Variants in ARHGAP10 observed in about 807,000 individuals in gnomAD.
ARHGAP10 encodes rho GTPase-activating protein 10.
Under a neutral mutation model 108.6 loss-of-function variants are expected in ARHGAP10, and 87 were observed. That is an observed-to-expected ratio of 0.80 (90% CI 0.67 to 0.96). The LOEUF (loss-of-function observed/expected upper bound fraction) is 0.96, where lower values mean the gene tolerates loss of function less well. Among genes scored for constraint, ARHGAP10 ranks in the 40% least tolerant of loss-of-function variants. The pLI, the probability that ARHGAP10 is intolerant of heterozygous loss-of-function variation, is 0.00. For synonymous variants in ARHGAP10, 347 were observed against 341.1 expected (o/e 1.02, Z -0.19); for missense variants, 939 against 954.5 (o/e 0.98, Z 0.21).
intron 8 of ARHGAP10, among the ~76,000 whole-genome samples, chr4:147,877,280 A>G (rs1735113358): frequency 1.3e-5 from 2 of 151,448 alleles, no homozygotes; most frequent in African/African-American, 4.9e-5. Context: ...TTTGTCAACC[A>G]TAGAACACAG....
At chr4:147,758,456 A>G (rs1356653010) in intron 1 of ARHGAP10, among the ~76,000 whole-genome samples, 1 of 152,116 alleles carries the variant, frequency 6.6e-6, no homozygotes, top group African/African-American at 2.4e-5. Flanking sequence ...ACCACAGTCA[A>G]TTTTAGAACA....
At chr4:147,770,070 G>A (rs570201953) in intron 1 of ARHGAP10, among the ~76,000 whole-genome samples, 4 of 152,314 alleles carry the variant, frequency 2.6e-5, no homozygotes, top group Non-Finnish European at 5.9e-5. Flanking sequence ...TGGAGTGTGT[G>A]TTCATACACC....
At chr4:147,856,916 G>A (rs1301525661) in intron 4 of ARHGAP10, among the ~76,000 whole-genome samples, 1 of 152,140 alleles carries the variant, frequency 6.6e-6, no homozygotes, top group Non-Finnish European at 1.5e-5. Context: ...GCAGTGGTGT[G>A]ATCTCGATTC....
chr4:147,983,402 G>T (rs2149629129), intron 18 of ARHGAP10, among the ~76,000 whole-genome samples: 1 of 150,812 alleles, frequency 6.6e-6, no homozygotes, highest in Middle Eastern at 3.5e-3. Flanking sequence ...AGCCAGGATG[G>T]TCTCCATCTC....
At chr4:147,770,430 C>T (rs1486940061) in intron 1 of ARHGAP10, among the ~76,000 whole-genome samples, 1 of 152,150 alleles carries the variant, frequency 6.6e-6, no homozygotes, top group Non-Finnish European at 1.5e-5. Context: ...GAGGCTGAGG[C>T]ATGAGAATTG....
At chr4:147,810,653 A>C (rs1203287095) in intron 1 of ARHGAP10, among the ~76,000 whole-genome samples, 1 of 152,134 alleles carries the variant, frequency 6.6e-6, no homozygotes, top group Non-Finnish European at 1.5e-5. Context: ...ATTTGTGGAG[A>C]ACCTAAATGC....
chr4:147,990,066 T>C (rs1740211148), intron 18 of ARHGAP10, among the ~76,000 whole-genome samples: 1 of 152,210 alleles, frequency 6.6e-6, no homozygotes, highest in Non-Finnish European at 1.5e-5. Flanking sequence ...ACTCCTGATA[T>C]TCAGCCTTCT....
At chr4:148,068,258 G>T (rs1729990445) in intron 22 of ARHGAP10, among the ~76,000 whole-genome samples, 1 of 152,192 alleles carries the variant, frequency 6.6e-6, no homozygotes, top group Admixed American at 6.5e-5. Flanking sequence ...GCAGCAGCGG[G>T]ACTGCTTTCC....
intron 1 of ARHGAP10, among the ~76,000 whole-genome samples, chr4:147,732,720 C>G (rs1728270984): frequency 6.6e-6 from 1 of 152,158 alleles, no homozygotes; most frequent in Non-Finnish European, 1.5e-5. Context: ...TGGGCCCCGC[C>G]TGGCCCCGGC....
At chr4:147,818,547 CAA>C (rs1236123905) in intron 1 of ARHGAP10, among the ~76,000 whole-genome samples, 1 of 117,754 alleles carries the variant, frequency 8.5e-6, no homozygotes, top group Non-Finnish European at 1.7e-5. Context: ...GCCTGGGTGA[CAA>C]GAGTGAAACT....
intron 8 of ARHGAP10, among the ~76,000 whole-genome samples, chr4:147,877,819 C>CTTTTTTTTTTTTT (rs549355620): frequency 3.3e-4 from 43 of 131,430 alleles, no homozygotes; most frequent in East Asian, 1.5e-3. Context: ...ATTCTTCATA[C>CTTTTTTTTTTTTT]TTTTTTTTTT....
chr4:147,833,239 C>G (rs1733024949), intron 3 of ARHGAP10, among the ~76,000 whole-genome samples: 1 of 152,110 alleles, frequency 6.6e-6, no homozygotes, highest in Admixed American at 6.6e-5. Flanking sequence ...GAGGGAGGGA[C>G]CTGGTGGGAG....
intron 15 of ARHGAP10, among the ~76,000 whole-genome samples, chr4:147,954,787 A>G (rs886284929): frequency 4.6e-5 from 7 of 152,006 alleles, no homozygotes; most frequent in Admixed American, 4.6e-4. Flanking sequence ...AATGCTGTGT[A>G]TATTTTTAAA....
intron 8 of ARHGAP10, among the ~76,000 whole-genome samples, chr4:147,879,019 C>G (rs1392574072): frequency 6.6e-6 from 1 of 152,152 alleles, no homozygotes; most frequent in South Asian, 2.1e-4. Flanking sequence ...ATCCACCCGC[C>G]TCGACCTCCC....
chr4:148,006,357 C>G (rs1318045906), intron 18 of ARHGAP10, among the ~76,000 whole-genome samples: 3 of 152,214 alleles, frequency 2.0e-5, no homozygotes, highest in African/African-American at 7.2e-5. Flanking sequence ...ACGGAGGCAC[C>G]CAGCTGACAA....
At chr4:147,734,496 C>A (rs781650702) in intron 1 of ARHGAP10, among the ~76,000 whole-genome samples, 1 of 152,038 alleles carries the variant, frequency 6.6e-6, no homozygotes, top group Non-Finnish European at 1.5e-5. Context: ...TGTTTAAATT[C>A]TTTCCCAGAA....
Position 147,732,451 on chromosome 4 carries a change from G to C in ARHGAP10, c.150G>C (p.Thr50=), listed in dbSNP as rs747856756. 9.3e-6 allele frequency: 15 copies of C among 1,611,882 alleles called. No homozygotes were observed. Among genetic ancestry groups the C allele is most frequent in the Non-Finnish European group, 1.1e-5 (13 of 1,178,912 alleles). Residue 50 remains threonine, a synonymous_variant, in exon 1 of 23, where the codon ACG becomes ACC. Transcript: ENST00000336498. ...ACGGGAAGAACCTCATCGCTGCGACGAAAAGTAAGCGGGGACGCGGGCGCG... is the reference window on the plus strand; with the variant it reads ...ACGGGAAGAACCTCATCGCTGCGACCAAAAGTAAGCGGGGACGCGGGCGCG... The part of the protein sequence containing the change: ...IKDGKNLIAA[T]KSLSVAQRKF...
At chr4:147,926,300 G>A (rs1053905235) in intron 13 of ARHGAP10, among the ~76,000 whole-genome samples, 2 of 152,118 alleles carry the variant, frequency 1.3e-5, no homozygotes, top group Non-Finnish European at 2.9e-5. Flanking sequence ...TTGAATTTGG[G>A]GAGTAATTCA....
intron 18 of ARHGAP10, among the ~76,000 whole-genome samples, chr4:148,019,289 C>T (rs1186227620): frequency 1.3e-5 from 2 of 152,152 alleles, no homozygotes; most frequent in Admixed American, 1.3e-4. Context: ...TAATTATTTG[C>T]TGTTACAATT....
Sources: gnomAD v4.1 joint callset for allele counts (sites outside exome capture counted in the v4.1 genomes callset) on GRCh38, gnomAD v4.1.1 for gene constraint, MANE v1.5 for transcripts, NCBI Gene and HGNC (gene_info 2026-07-23, HGNC 2026-07-21) for gene names.